The following RAF1 variants were observed in gnomAD, a reference collection of about 807,000 sequenced individuals.
The protein encoded by RAF1 is RAF proto-oncogene serine/threonine-protein kinase.
A neutral mutation model predicts 81.1 loss-of-function variants in RAF1; 27 were observed. That is an observed-to-expected ratio of 0.33 (90% CI 0.25 to 0.46). RAF1 has a LOEUF of 0.46. Ranked by LOEUF, RAF1 falls within the 20% of genes least tolerant of loss-of-function variation. The pLI is 1.00. For missense variants in RAF1, 598 were observed against 826.0 expected, an observed-to-expected ratio of 0.72 and a Z score of 3.38; for synonymous variants, 298 against 294.0, an observed-to-expected ratio of 1.01 and a Z score of -0.14.
At chr3:12,620,087 AAAT>A (rs955208740) in intron 1 of RAF1, among the ~76,000 whole-genome samples, 6 of 152,140 alleles carry the variant, frequency 3.9e-5, no homozygotes, top group African/African-American at 1.4e-4. Flanking sequence ...ATCTCAAAAA[AAAT>A]AATAATAATA....
intron 1 of RAF1, among the ~76,000 whole-genome samples, chr3:12,642,671 TAC>T (rs71063856): frequency 0.12 from 13,737 of 116,860 alleles, 719 homozygotes; most frequent in Admixed American, 0.19. Context: ...ACACCATCTC[TAC>T]ACACACACAC....
At chr3:12,618,374 A>C in intron 2 of RAF1, 141 bp downstream of exon 2, 1 of 861,294 alleles carries the variant, frequency 1.2e-6, no homozygotes, top group South Asian at 1.5e-5. Flanking sequence ...AATATAAAAA[A>C]ATAAATCTGC....
In RAF1 at chr3:12,664,079, C is replaced by T. The variant is rs1044277883; in HGVS notation, c.-293G>A. 7.5e-6 allele frequency: 3 copies of T among 398,352 alleles called. No homozygotes were observed. The highest frequency in any genetic ancestry group is 4.1e-5 in the African/African-American group (2 of 48,642). The allele number at this position is 398,352 out of a possible 1,614,324, so 24.7% of individuals were successfully genotyped here. A position where few individuals can be genotyped will look rare whatever the true frequency, so the allele number is the denominator to read the frequency against. ...CCGCCTCACAATCGTTTTCCTCTTA[C>T]TCCCGCCATCTAAGATGGCGGCCCA... On this transcript the variant is annotated 5_prime_UTR_variant, in exon 1 of 18. Transcript: ENST00000442415.
chr3:12,592,736 T>A (rs1284237030), intron 11 of RAF1, among the ~76,000 whole-genome samples: 24 of 146,080 alleles, frequency 1.6e-4, no homozygotes, highest in Non-Finnish European at 3.3e-4. Context: ...AGCCACTTTT[T>A]TTTTTTTTTT....
chr3:12,649,397 A>G (rs892554324), intron 1 of RAF1, among the ~76,000 whole-genome samples: 98 of 152,314 alleles, frequency 6.4e-4, no homozygotes, highest in African/African-American at 2.1e-3. Context: ...AAGGAGTTCA[A>G]GACCACCCTG....
At position 12,631,188 on chromosome 3, in the gene RAF1, C is replaced by A. The variant is rs568496848; in HGVS notation, c.-26-12441G>T. Reference sequence around the variant, plus strand: ...AAAACTGGCCAGGCGTGGTGGCTCACTATATTAAAAATAAATGACATAGGC... The same window carrying A: ...AAAACTGGCCAGGCGTGGTGGCTCAATATATTAAAAATAAATGACATAGGC... On this transcript the variant is annotated intron_variant, in intron 1 of 17. Coordinates refer to ENST00000442415, the MANE Select transcript of RAF1 (RefSeq NM_001354689.3). Among the ~76,000 whole-genome samples the A allele has an allele frequency of 3.3e-5, 5 of 152,108 alleles. No individual in the cohort carries two copies. In the South Asian group the frequency reaches 1.0e-3, roughly 32 times the overall value.
chr3:12,628,485 G>C (rs2059771413), intron 1 of RAF1, among the ~76,000 whole-genome samples: 1 of 152,088 alleles, frequency 6.6e-6, no homozygotes, highest in South Asian at 2.1e-4. Flanking sequence ...AACACAGTTA[G>C]ACACCTACTC....
chr3:12,624,883 CTCA>C (rs2059654017), intron 1 of RAF1, among the ~76,000 whole-genome samples: 1 of 35,338 alleles, frequency 2.8e-5, no homozygotes, highest in Admixed American at 4.1e-4. Flanking sequence ...AAGACTCCAA[CTCA>C]AAAAAAAAAA....
At chr3:12,605,248 TTA>T (rs1553613985) in intron 6 of RAF1, among the ~76,000 whole-genome samples, 7 of 111,716 alleles carry the variant, frequency 6.3e-5, no homozygotes, top group African/African-American at 9.6e-5. Context: ...TGATTACACA[TTA>T]TGTGTGTGTG....
chr3:12,606,985 C>A (rs550726612), intron 5 of RAF1, among the ~76,000 whole-genome samples: 1 of 152,328 alleles, frequency 6.6e-6, no homozygotes, highest in Non-Finnish European at 1.5e-5. Flanking sequence ...GCCACCGCGC[C>A]CGGCCCAGTG....
chr3:12,629,707 C>T (rs999082893), intron 1 of RAF1, among the ~76,000 whole-genome samples: 2 of 152,190 alleles, frequency 1.3e-5, no homozygotes, highest in African/African-American at 4.8e-5. Context: ...AGATTTCAAC[C>T]TTGTGGCAGC....
At chr3:12,640,521 A>G (rs1292800296) in intron 1 of RAF1, among the ~76,000 whole-genome samples, 2 of 152,202 alleles carry the variant, frequency 1.3e-5, no homozygotes, top group South Asian at 2.1e-4. Context: ...CAAATTTACA[A>G]GAAAAAAATC....
chr3:12,643,349 G>A (rs1181700618), intron 1 of RAF1, among the ~76,000 whole-genome samples: 1 of 152,088 alleles, frequency 6.6e-6, no homozygotes, highest in Non-Finnish European at 1.5e-5. Context: ...TATATAGCAG[G>A]CACAACACTC....
chr3:12,584,562 A>C lies in RAF1; in HGVS notation c.1959T>G (p.Asp653Glu), dbSNP rs1286582905. The C allele has an allele frequency of 6.2e-7, 1 of 1,614,146 alleles. No homozygotes were observed. The highest frequency in any genetic ancestry group is 1.1e-5 in the South Asian group (1 of 91,086). Residue 653 changes from aspartate (D) to glutamate (E), a missense_variant, in exon 18 of 18, where the codon GAT becomes GAG. By Grantham distance (45) the Asp-to-Glu change is conservative. Coordinates refer to ENST00000442415, the MANE Select transcript of RAF1 (RefSeq NM_001354689.3). ...ACGTGGTCAGCGTGCAAGCATTGAT[A>C]TCCTCAGTGTGGGCTGCCCGATGCA...
chr3:12,615,275 G>A (rs2125443001), intron 2 of RAF1, among the ~76,000 whole-genome samples: 1 of 152,278 alleles, frequency 6.6e-6, no homozygotes, highest in East Asian at 1.9e-4. Flanking sequence ...AACAGCAGCA[G>A]GAGGAAGTCA....
chr3:12,587,226 G>A (rs528176500), intron 14 of RAF1: 17 of 274,600 alleles, frequency 6.2e-5, no homozygotes, highest in African/African-American at 2.9e-4. Context: ...ACATACACAC[G>A]CTGGCCACAA....
chr3:12,618,347 G>T (rs5746185), intron 2 of RAF1, among the ~76,000 whole-genome samples, 168 bp downstream of exon 2: 201 of 151,684 alleles, frequency 1.3e-3, no homozygotes, highest in African/African-American at 4.7e-3. Context: ...AAAAATAGGG[G>T]GTGTGGAAGG....
chr3:12,635,318 CAAAAAAAAAAAAAAAAAAA>C (rs71063852), intron 1 of RAF1, among the ~76,000 whole-genome samples: 7 of 27,598 alleles, frequency 2.5e-4, no homozygotes, highest in African/African-American at 4.6e-4. Context: ...GACCCTGTCT[CAAAAAAAAAAAAAAAAAAA>C]AAAAAAAAAA....
chr3:12,586,957 T>A (rs1262360846), intron 14 of RAF1: 1 of 152,716 alleles, frequency 6.5e-6, no homozygotes, highest in Non-Finnish European at 1.5e-5. Flanking sequence ...TGCCTCAGCC[T>A]CCTGAGTAGC....
Sources: gnomAD v4.1 joint callset for allele counts (sites outside exome capture counted in the v4.1 genomes callset) on GRCh38, gnomAD v4.1.1 for gene constraint, MANE v1.5 for transcripts, NCBI Gene and HGNC (gene_info 2026-07-23, HGNC 2026-07-21) for gene names.